Variants in RAP1GAP2 observed in about 807,000 individuals in gnomAD.
The protein encoded by RAP1GAP2 is rap1 GTPase-activating protein 2.
A neutral mutation model predicts 95.0 loss-of-function variants in RAP1GAP2; 27 were observed. The observed-to-expected ratio is 0.28, with a 90% CI of 0.21 to 0.39. RAP1GAP2 has a LOEUF of 0.39. RAP1GAP2 is among the 10% of genes least tolerant of loss of function. The pLI is 1.00. For missense variants in RAP1GAP2, 771 were observed against 970.0 expected (o/e 0.79, Z 2.72); for synonymous variants, 373 against 380.9 (o/e 0.98, Z 0.24).
At chr17:2,874,844 G>A (rs551760145) in intron 2 of RAP1GAP2, among the ~76,000 whole-genome samples, 16 of 152,208 alleles carry the variant, frequency 1.1e-4, no homozygotes, top group South Asian at 6.2e-4. Context: ...TTCTGGACCC[G>A]GTGGTCACCC....
chr17:2,795,209 G>A (rs1597321396), upstream of RAP1GAP2, among the ~76,000 whole-genome samples: 2 of 149,690 alleles, frequency 1.3e-5, no homozygotes, highest in African/African-American at 2.5e-5. Flanking sequence ...TTTTTGAGAC[G>A]TTTTCTTCCC....
chr17:2,987,472 TGCCTCAGCTCCCTCGAGCA>T (rs1456063658), intron 11 of RAP1GAP2, among the ~76,000 whole-genome samples: 2 of 152,134 alleles, frequency 1.3e-5, no homozygotes, highest in African/African-American at 4.8e-5. Context: ...CAAGCAATTC[TGCCTCAGCTCCCTCGAGCA>T]GCTGGGATTA....
In RAP1GAP2 at chr17:3,029,011, G is replaced by T. The variant is rs533701869; in HGVS notation, c.2108-1911G>T. Reference sequence around the variant, plus strand: ...GACACAGTTTCACCATGTTGGCCAGGCTGGTCTCGAACTCCTGACCTCGTG... The same window carrying T: ...GACACAGTTTCACCATGTTGGCCAGTCTGGTCTCGAACTCCTGACCTCGTG... On this transcript the variant is annotated intron_variant, in intron 22 of 24. Transcript: ENST00000254695. This position sits in a 1 kb window ranked among gnomAD's most constrained non-coding sequence, Gnocchi z 4.4. 9.9e-5 allele frequency among the ~76,000 whole-genome samples: 15 copies of T among 152,092 alleles called. No individual in the cohort carries two copies. Among genetic ancestry groups the T allele is most frequent in the Admixed American group, 2.6e-4 (4 of 15,262 alleles).
chr17:2,933,306 G>C (rs1432021639), intron 3 of RAP1GAP2, among the ~76,000 whole-genome samples: 1 of 152,022 alleles, frequency 6.6e-6, no homozygotes, highest in African/African-American at 2.4e-5. Flanking sequence ...AAAGTGCCTG[G>C]TGTAGAGAAG....
intron 2 of RAP1GAP2, among the ~76,000 whole-genome samples, chr17:2,890,721 G>A (rs1463186754): frequency 1.4e-5 from 2 of 144,264 alleles, no homozygotes; most frequent in Admixed American, 1.4e-4. Context: ...GTCTTGCTCT[G>A]TCACCCAGGC....
At chr17:2,932,197 A>G (rs2043177293) in intron 3 of RAP1GAP2, among the ~76,000 whole-genome samples, 1 of 152,140 alleles carries the variant, frequency 6.6e-6, no homozygotes, top group African/African-American at 2.4e-5. Flanking sequence ...TGATGTGGTC[A>G]TGGGGGATGG....
chr17:2,968,252 C>G (rs2044703258), intron 8 of RAP1GAP2, among the ~76,000 whole-genome samples: 1 of 151,878 alleles, frequency 6.6e-6, no homozygotes, highest in Non-Finnish European at 1.5e-5. Context: ...TAAAAATGGA[C>G]AAAAAGAATT....
chr17:2,882,637 A>C (rs533761086), intron 2 of RAP1GAP2, among the ~76,000 whole-genome samples: 1 of 151,978 alleles, frequency 6.6e-6, no homozygotes, highest in African/African-American at 2.4e-5. Context: ...GTTGGCCAGG[A>C]TGGTTGATTG....
At chr17:2,885,417 C>G (rs2073460376) in intron 2 of RAP1GAP2, among the ~76,000 whole-genome samples, 1 of 152,216 alleles carries the variant, frequency 6.6e-6, no homozygotes, top group African/African-American at 2.4e-5. Flanking sequence ...CCCCTGAGCA[C>G]CTCAGTTCAT....
At chr17:2,976,973 A>G (rs2045147012) in intron 8 of RAP1GAP2, among the ~76,000 whole-genome samples, 3 of 152,002 alleles carry the variant, frequency 2.0e-5, no homozygotes, top group African/African-American at 7.2e-5. Flanking sequence ...TGTCTCTACT[A>G]AAAATACAAA....
intron 2 of RAP1GAP2, among the ~76,000 whole-genome samples, chr17:2,803,217 T>A (rs964155712): frequency 9.9e-5 from 15 of 152,168 alleles, no homozygotes; most frequent in Non-Finnish European, 1.8e-4. Context: ...GGGACCCCAG[T>A]GAGGTCTCTG....
At chr17:3,017,833 T>C (rs2046821220) in intron 17 of RAP1GAP2, among the ~76,000 whole-genome samples, 1 of 152,122 alleles carries the variant, frequency 6.6e-6, no homozygotes, top group Non-Finnish European at 1.5e-5. Flanking sequence ...GGCTGTGCCT[T>C]GCCTCCACCC....
chr17:2,916,773 G>A (rs1413819649), intron 3 of RAP1GAP2, among the ~76,000 whole-genome samples: 1 of 152,224 alleles, frequency 6.6e-6, no homozygotes, highest in African/African-American at 2.4e-5. Flanking sequence ...ACCATGATGA[G>A]TGAGATGCAG....
At chr17:2,875,041 T>C (rs1470191288) in intron 2 of RAP1GAP2, among the ~76,000 whole-genome samples, 2 of 152,126 alleles carry the variant, frequency 1.3e-5, no homozygotes, top group Non-Finnish European at 2.9e-5. Flanking sequence ...ACGGCGCCCT[T>C]CGACATTTGT....
At chr17:3,011,878 T>G (rs1488734884) in intron 17 of RAP1GAP2, among the ~76,000 whole-genome samples, 1 of 151,786 alleles carries the variant, frequency 6.6e-6, no homozygotes, top group East Asian at 1.9e-4. Context: ...CCTCCCAAAG[T>G]GCTGGGATTA....
intron 3 of RAP1GAP2, among the ~76,000 whole-genome samples, chr17:2,941,043 G>T (rs1350282462): frequency 6.6e-6 from 1 of 152,192 alleles, no homozygotes; most frequent in African/African-American, 2.4e-5. Context: ...ACCCTGGCAG[G>T]GTGTGGGTAG....
At chr17:2,945,369 G>A (rs191788195) in intron 3 of RAP1GAP2, among the ~76,000 whole-genome samples, 1 of 152,252 alleles carries the variant, frequency 6.6e-6, no homozygotes, top group Non-Finnish European at 1.5e-5. Flanking sequence ...ATCAGCTCTA[G>A]TAGATTTTGT....
chr17:2,920,003 C>CTTTTTTTTT, intron 3 of RAP1GAP2, among the ~76,000 whole-genome samples: 1 of 133,984 alleles, frequency 7.5e-6, no homozygotes, highest in African/African-American at 3.3e-5. Context: ...ATCTGGCCTC[C>CTTTTTTTTT]TTTTTTCTTT....
chr17:2,844,665 G>T (rs564484780), intron 2 of RAP1GAP2, among the ~76,000 whole-genome samples: 127 of 152,224 alleles, frequency 8.3e-4, no homozygotes, highest in African/African-American at 2.9e-3. Context: ...TTAATGTCGG[G>T]GTGGGAAGGA....
Sources: gnomAD v4.1 joint callset for allele counts (sites outside exome capture counted in the v4.1 genomes callset) on GRCh38, gnomAD v4.1.1 for gene constraint, Gnocchi (gnomAD v3.1) non-coding constraint, MANE v1.5 for transcripts, NCBI Gene and HGNC (gene_info 2026-07-23, HGNC 2026-07-21) for gene names.